Variants in EPG5 observed in about 807,000 individuals in gnomAD.
The protein encoded by EPG5 is ectopic P-granules 5 autophagy tethering factor, also known as ectopic P granules protein 5 homolog.
In EPG5, 159 loss-of-function variants were observed where a neutral mutation model predicts 302.7. The ratio of observed to expected loss-of-function variants is 0.53; its 90% CI spans 0.46 to 0.60. EPG5 has a LOEUF of 0.60. Among genes scored for constraint, EPG5 ranks in the 20% least tolerant of loss-of-function variants. EPG5 has a pLI of 0.00. For missense variants in EPG5, 2,896 were observed against 3,092.4 expected, an observed-to-expected ratio of 0.94 and a Z score of 1.51; for synonymous variants, 1,158 against 1,136.8, an observed-to-expected ratio of 1.02 and a Z score of -0.37.
the EPG5 span, among the ~76,000 whole-genome samples, chr18:45,827,188 T>A: frequency 6.6e-6 from 1 of 152,216 alleles, no homozygotes; most frequent in Non-Finnish European, 1.5e-5. Context: ...AGTGCTGAGA[T>A]TACAGGTGTG....
intron 39 of EPG5, among the ~76,000 whole-genome samples, chr18:45,864,817 G>A (rs1366012352): frequency 2.0e-5 from 3 of 152,218 alleles, no homozygotes; most frequent in African/African-American, 7.2e-5. Flanking sequence ...GGGTCAGCTT[G>A]TTATCAATTC....
chr18:45,857,801 C>G (rs1433277205), intron 42 of EPG5, 52 bp downstream of exon 42: 2 of 1,468,758 alleles, frequency 1.4e-6, no homozygotes, highest in Non-Finnish European at 1.9e-6. Flanking sequence ...TAAGTAGGTA[C>G]AGATGTCTGA....
At chr18:45,917,065 C>A (rs2050049200) in intron 17 of EPG5, among the ~76,000 whole-genome samples, 1 of 152,160 alleles carries the variant, frequency 6.6e-6, no homozygotes, top group Non-Finnish European at 1.5e-5. Flanking sequence ...CTCTTTTGGG[C>A]AAATTGGAGA....
At chr18:45,930,278 C>G (rs933228980) in intron 12 of EPG5, among the ~76,000 whole-genome samples, 2 of 152,078 alleles carry the variant, frequency 1.3e-5, no homozygotes, top group African/African-American at 4.8e-5. Context: ...CTCAGGTATC[C>G]TAACTCCAGG....
At chr18:45,914,973 A>G (rs924394041) in intron 20 of EPG5, among the ~76,000 whole-genome samples, 1 of 142,200 alleles carries the variant, frequency 7.0e-6, no homozygotes, top group Non-Finnish European at 1.5e-5. Flanking sequence ...TTTAATTTAA[A>G]AAAAAAAAAA....
At chr18:45,925,350 G>GTA (rs1449097614) in intron 14 of EPG5, among the ~76,000 whole-genome samples, 2 of 152,162 alleles carry the variant, frequency 1.3e-5, no homozygotes, top group African/African-American at 4.8e-5. Flanking sequence ...GCATGCACCT[G>GTA]TAATCCTAGC....
chr18:45,818,576 T>G, the EPG5 span, among the ~76,000 whole-genome samples: 1 of 152,144 alleles, frequency 6.6e-6, no homozygotes, highest in African/African-American at 2.4e-5. Flanking sequence ...ATTAAGTACA[T>G]TTATCAGCCA....
intron 32 of EPG5, among the ~76,000 whole-genome samples, chr18:45,879,660 C>T (rs562511604): frequency 8.5e-5 from 13 of 152,346 alleles, no homozygotes; most frequent in African/African-American, 3.1e-4. Flanking sequence ...TGAGCCACCG[C>T]GCCAGGCCAT....
the EPG5 span, among the ~76,000 whole-genome samples, chr18:45,828,473 TG>T: frequency 6.6e-6 from 1 of 152,108 alleles, no homozygotes; most frequent in Non-Finnish European, 1.5e-5. Context: ...AACACTGGTC[TG>T]GGAGCTCCAA....
intron 27 of EPG5, among the ~76,000 whole-genome samples, chr18:45,892,572 A>G (rs2049376815): frequency 6.6e-6 from 1 of 152,214 alleles, no homozygotes. Flanking sequence ...TCCTGGGGTC[A>G]GCAAGCATAC....
chr18:45,923,495 G>A, intron 14 of EPG5, 108 bp from the exon 15 acceptor site: 1 of 1,210,516 alleles, frequency 8.3e-7, no homozygotes, highest in Non-Finnish European at 1.1e-6. Flanking sequence ...CTTCGATGTA[G>A]AAGCTAAATG....
Position 45,908,072 on chromosome 18 carries a change from A to G in EPG5, c.4215T>C (p.Asn1405=). Residue 1405 remains asparagine, a synonymous_variant, in exon 24 of 44, where the codon AAT becomes AAC. Transcript: ENST00000282041. ...ELHKELVRLF[N]VYILWLEDEN... ...CATCTTCTAGCCATAATATATATACATTGAAGAGCCTAAAAGATAAAAACA... is the reference window on the plus strand; with the variant it reads ...CATCTTCTAGCCATAATATATATACGTTGAAGAGCCTAAAAGATAAAAACA... 1 of 1,524,008 alleles carries G rather than the reference A, an allele frequency of 6.6e-7. No homozygotes were observed. The highest frequency in any genetic ancestry group is 1.2e-5 in the South Asian group (1 of 82,514). 94.4% of individuals were successfully genotyped at this position (1,524,008 alleles called of 1,614,324 possible).
chr18:45,887,867 T>A lies in EPG5; in HGVS notation c.4993A>T (p.Ile1665Phe). ...NAYKLQPTPG[I>F]QKVGISLFFT... is the part of the protein sequence containing the mutation. ...AAAAGGCTAATGCCAACTTTCTGAATCCCAGGTGTAGGCTGCAACTTGTAG... is the reference window on the plus strand; with the variant it reads ...AAAAGGCTAATGCCAACTTTCTGAAACCCAGGTGTAGGCTGCAACTTGTAG... Residue 1665 changes from isoleucine (I) to phenylalanine (F), a missense_variant, in exon 29 of 44, where the codon ATT becomes TTT. Physicochemically the swap from Ile to Phe is conservative, Grantham distance 21. This residue lies in a region of EPG5 where 790 missense variants were observed against 798.0 expected (regional missense o/e 0.99). Transcript: ENST00000282041. 1 of 1,597,750 alleles carries A rather than the reference T, an allele frequency of 6.3e-7. No homozygotes were observed. Among genetic ancestry groups the A allele is most frequent in the Non-Finnish European group, 8.6e-7 (1 of 1,167,802 alleles).
chr18:45,952,903 G>A (rs144915621), intron 2 of EPG5, among the ~76,000 whole-genome samples: 1 of 152,266 alleles, frequency 6.6e-6, no homozygotes, highest in East Asian at 1.9e-4. Context: ...GCCAGGCGCG[G>A]TGGCTGATGC....
chr18:45,844,851 TG>T (rs1430755837), downstream of EPG5, among the ~76,000 whole-genome samples: 1 of 151,810 alleles, frequency 6.6e-6, no homozygotes, highest in Non-Finnish European at 1.5e-5. Context: ...GACACAGGAG[TG>T]GTGTGTATTG....
intron 21 of EPG5, among the ~76,000 whole-genome samples, chr18:45,913,371 C>G (rs959363297): frequency 1.1e-4 from 17 of 152,152 alleles, no homozygotes; most frequent in African/African-American, 3.9e-4. Flanking sequence ...TTGTCCCACT[C>G]GAGACTCAGA....
chr18:45,812,233 G>C, the EPG5 span, among the ~76,000 whole-genome samples: 1 of 152,112 alleles, frequency 6.6e-6, no homozygotes, highest in South Asian at 2.1e-4. Flanking sequence ...CCTCTTCAAG[G>C]AGAACTACAA....
chr18:45,914,443 TAA>T (rs2049982550), intron 20 of EPG5, among the ~76,000 whole-genome samples: 1 of 152,166 alleles, frequency 6.6e-6, no homozygotes, highest in Admixed American at 6.5e-5. Context: ...ACTACTGATT[TAA>T]GAGATGAAAC....
chr18:45,819,046 T>C, the EPG5 span, among the ~76,000 whole-genome samples: 1 of 152,152 alleles, frequency 6.6e-6, no homozygotes, highest in African/African-American at 2.4e-5. Flanking sequence ...AACTTTTAAA[T>C]AGTCAAGTTT....
Sources: allele counts gnomAD v4.1 joint callset (sites outside exome capture counted in the v4.1 genomes callset), GRCh38; gene constraint gnomAD v4.1.1; regional missense constraint gnomAD v4.1.1; transcripts MANE v1.5; gene names NCBI Gene and HGNC (gene_info 2026-07-23, HGNC 2026-07-21).